Variants in QTGAL observed in about 807,000 individuals in gnomAD.
QTGAL encodes BGnT-like protein 1.
the QTGAL span, among the ~76,000 whole-genome samples, chr17:82,989,603 C>T: frequency 6.6e-6 from 1 of 151,430 alleles, no homozygotes; most frequent in Non-Finnish European, 1.5e-5. Flanking sequence ...ACAAAAAGGA[C>T]ATCTTTTCAT....
chr17:83,051,489 G>C, the QTGAL span, among the ~76,000 whole-genome samples: 2 of 152,218 alleles, frequency 1.3e-5, no homozygotes, highest in African/African-American at 2.4e-5. Flanking sequence ...CGCGGGACGG[G>C]GGCAGGAAGC....
At chr17:82,980,629 T>C in the QTGAL span, among the ~76,000 whole-genome samples, 1 of 152,190 alleles carries the variant, frequency 6.6e-6, no homozygotes, top group Non-Finnish European at 1.5e-5. Flanking sequence ...TTAAAAAGAA[T>C]GTTATTCAAG....
the QTGAL span, among the ~76,000 whole-genome samples, chr17:83,012,308 T>A: frequency 6.6e-6 from 1 of 152,036 alleles, no homozygotes; most frequent in African/African-American, 2.4e-5. Context: ...CCCAGCTCGT[T>A]TGAACACATG....
the QTGAL span, chr17:83,011,289 C>T: frequency 5.3e-5 from 8 of 152,214 alleles, no homozygotes; most frequent in African/African-American, 4.8e-5. Flanking sequence ...CCTTGGATAA[C>T]GATGCTCTAC....
the QTGAL span, chr17:83,048,422 G>A: frequency 6.7e-7 from 1 of 1,489,444 alleles, no homozygotes; most frequent in African/African-American, 1.4e-5. Flanking sequence ...TACGTAAGTT[G>A]ATAAGAAACC....
chr17:82,964,851 G>C, the QTGAL span, among the ~76,000 whole-genome samples: 1 of 82,820 alleles, frequency 1.2e-5, no homozygotes. Flanking sequence ...ACGGGGACAC[G>C]GACGCCTGCA....
At chr17:83,007,561 T>C in the QTGAL span, among the ~76,000 whole-genome samples, 5 of 150,936 alleles carry the variant, frequency 3.3e-5, no homozygotes, top group African/African-American at 9.8e-5. Context: ...TGCCGGGTCC[T>C]GGGAGGCAGC....
chr17:83,028,156 G>A, the QTGAL span, among the ~76,000 whole-genome samples: 9 of 152,134 alleles, frequency 5.9e-5, no homozygotes, highest in South Asian at 2.1e-4. Context: ...CATGGCAGCC[G>A]GGGATAAAAG....
the QTGAL span, among the ~76,000 whole-genome samples, chr17:82,960,862 A>G: frequency 3.9e-5 from 6 of 152,238 alleles, no homozygotes; most frequent in Non-Finnish European, 7.3e-5. Context: ...CCCTTGGGAA[A>G]TGCCCCTTCG....
the QTGAL span, among the ~76,000 whole-genome samples, chr17:83,000,270 C>CT: frequency 9.9e-5 from 15 of 152,170 alleles, no homozygotes; most frequent in East Asian, 2.9e-3. Flanking sequence ...CGAGAGATCA[C>CT]TTTTTTACTG....
the QTGAL span, among the ~76,000 whole-genome samples, chr17:82,998,248 T>TAAAA: frequency 6.6e-6 from 1 of 152,186 alleles, no homozygotes; most frequent in Non-Finnish European, 1.5e-5. Context: ...ACGTACTTAC[T>TAAAA]ATGTACCCAC....
chr17:82,961,198 G>A, the QTGAL span: 6 of 1,602,626 alleles, frequency 3.7e-6, no homozygotes, highest in South Asian at 4.5e-5. Context: ...GGCGGGAGAA[G>A]CAGAGGCATC....
chr17:83,034,962 A>T, the QTGAL span: 1 of 1,284,560 alleles, frequency 7.8e-7, no homozygotes, highest in Non-Finnish European at 1.1e-6. Flanking sequence ...AACCGCACTA[A>T]AATGTAAGAT....
At chr17:82,972,548 A>G in the QTGAL span, among the ~76,000 whole-genome samples, 1 of 109,298 alleles carries the variant, frequency 9.1e-6, no homozygotes. Context: ...ACCACACCAC[A>G]GGGGATAGAA....
At chr17:82,972,532 G>GACCAC in the QTGAL span, among the ~76,000 whole-genome samples, 2 of 108,276 alleles carry the variant, frequency 1.8e-5, no homozygotes, top group African/African-American at 8.3e-5. Context: ...ACCTGGTGCC[G>GACCAC]ACCACACCAC....
the QTGAL span, among the ~76,000 whole-genome samples, chr17:82,953,371 G>A: frequency 3.3e-5 from 5 of 152,228 alleles, no homozygotes; most frequent in Middle Eastern, 0.017. Flanking sequence ...TACCATCAGA[G>A]AATACTATAA....
the QTGAL span, among the ~76,000 whole-genome samples, chr17:83,047,070 G>A: frequency 4.6e-5 from 7 of 152,226 alleles, no homozygotes; most frequent in South Asian, 2.1e-4. Flanking sequence ...AAGAGCCTGC[G>A]TGCCACCGCA....
the QTGAL span, among the ~76,000 whole-genome samples, chr17:82,985,205 C>T: frequency 1.3e-5 from 2 of 152,226 alleles, no homozygotes; most frequent in Admixed American, 6.5e-5. Context: ...TCTGATTTAA[C>T]GTTGTATGTG....
chr17:83,041,491 G>A, the QTGAL span, among the ~76,000 whole-genome samples: 4 of 152,120 alleles, frequency 2.6e-5, no homozygotes, highest in African/African-American at 4.8e-5. Context: ...TATTGAAAGC[G>A]ACAAGAGAAA....
Sources: allele counts gnomAD v4.1 joint callset (sites outside exome capture counted in the v4.1 genomes callset), GRCh38; gene constraint gnomAD v4.1.1; transcripts MANE v1.5; gene names NCBI Gene and HGNC (gene_info 2026-07-23, HGNC 2026-07-21).